Variants in MTRR observed in about 807,000 individuals in gnomAD.
MTRR encodes 5-methyltetrahydrofolate-homocysteine methyltransferase reductase.
MTRR carries 63 observed loss-of-function variants against 79.2 expected under a neutral mutation model. That is an observed-to-expected ratio of 0.80 (90% CI 0.65 to 0.98). MTRR has a LOEUF of 0.98. MTRR is among the 50% of genes least tolerant of loss of function. The pLI is 0.00. For synonymous variants in MTRR, 355 were observed against 313.3 expected (o/e 1.13, Z -1.41); for missense variants, 895 against 839.6 (o/e 1.07, Z -0.82).
rs372145141 is a variant in MTRR, at chr5:7,887,910, T to G, written c.1147-1185T>G. Among the ~76,000 whole-genome samples, 35 of 149,240 alleles carry G rather than the reference T, an allele frequency of 2.3e-4. No individual in the cohort carries two copies. The East Asian group carries it at 5.4e-3, about 23-fold the overall frequency. ...CCCAGGAAACCAAAGTATTTTATAATCAAACCCTCTGAGTTAACACTTGAA... is the reference window on the plus strand; with the variant it reads ...CCCAGGAAACCAAAGTATTTTATAAGCAAACCCTCTGAGTTAACACTTGAA... On this transcript the variant is annotated intron_variant, in intron 8 of 14. Coordinates refer to ENST00000440940, the MANE Select transcript of MTRR (RefSeq NM_002454.3).
At chr5:7,889,889 T>G (rs1186160724) in intron 9 of MTRR, among the ~76,000 whole-genome samples, 1 of 152,082 alleles carries the variant, frequency 6.6e-6, no homozygotes, top group Non-Finnish European at 1.5e-5. Context: ...GTAACCCATT[T>G]TTTTGCCCAG....
In MTRR at chr5:7,899,914, A is replaced by G; in HGVS notation, c.1953A>G (p.Gly651=). The G allele has an allele frequency of 6.2e-7, 1 of 1,614,184 alleles. No homozygotes were observed. The highest frequency in any genetic ancestry group is 2.2e-5 in the East Asian group (1 of 44,880). The change falls in exon 15 of 15, where the codon GGA becomes GGG. Residue 651 remains glycine (G), a splice_region_variant and synonymous_variant. Transcript: ENST00000440940. ...LQENGHIYVC[G]DAKNMAKDVH... ...GTCATCTTATTATTTTCTTTTCTAG[A>G]GATGCAAAGAATATGGCCAAGGATG...
In MTRR at chr5:7,897,182, C is replaced by T; in HGVS notation, c.1887C>T (p.Ile629=). The T allele has an allele frequency of 2.5e-6, 4 of 1,614,152 alleles. No individual in the cohort carries two copies. The highest frequency in any genetic ancestry group is 1.3e-5 in the African/African-American group (1 of 75,038). The change falls in exon 14 of 15, where the codon ATC becomes ATT. Residue 629 remains isoleucine (I), a synonymous_variant. Transcript: ENST00000440940. ...CAGCAAAGTATGTGCAAGACAACATCCAGCTTCATGGCCAGCAGGTGGCGA... is the reference window on the plus strand; with the variant it reads ...CAGCAAAGTATGTGCAAGACAACATTCAGCTTCATGGCCAGCAGGTGGCGA... ...EAPAKYVQDN[I]QLHGQQVARI...
chr5:7,868,845 G>C (rs971958355), upstream of MTRR: 2 of 530,262 alleles, frequency 3.8e-6, no homozygotes, highest in Admixed American at 3.2e-5. Context: ...CCCGCGGGGC[G>C]AGCACCCCCA....
intron 2 of MTRR, 71 bp from the exon 3 acceptor site, chr5:7,873,302 T>G (rs970692087): frequency 2.2e-5 from 35 of 1,578,844 alleles, no homozygotes; most frequent in Admixed American, 8.3e-5. Context: ...CTAAGCTGAT[T>G]GCTTTGCTGC....
At chr5:7,861,282 G>A in intron 1 of MTRR, 2 of 1,337,458 alleles carry the variant, frequency 1.5e-6, no homozygotes, top group Non-Finnish European at 2.0e-6. Flanking sequence ...TAAAAAAGGA[G>A]AAAAATACTT....
At chr5:7,867,384 C>T (rs769358546), upstream of MTRR, 9 of 1,614,068 alleles carry the variant, frequency 5.6e-6, no homozygotes, top group Admixed American at 5.0e-5. Flanking sequence ...TCTAGTGTCA[C>T]ACAACCTGAA....
chr5:7,897,321 GA>G, intron 14 of MTRR, 74 bp downstream of exon 14: 7 of 1,458,886 alleles, frequency 4.8e-6, no homozygotes, highest in Non-Finnish European at 6.7e-6. Context: ...AAAGGACCGA[GA>G]AGCCAATAAT....
upstream of MTRR, chr5:7,867,701 G>C (rs777011399): frequency 6.2e-7 from 1 of 1,614,158 alleles, no homozygotes; most frequent in East Asian, 2.2e-5. Context: ...TGCTGCCATA[G>C]TGTCAGGCAG....
At chr5:7,895,583 T>C in intron 11 of MTRR, 151 bp from the exon 12 acceptor site, 1 of 1,030,654 alleles carries the variant, frequency 9.7e-7, no homozygotes, top group Non-Finnish European at 1.5e-6. Flanking sequence ...ACAAATGTGC[T>C]CATGGTTTCA....
At chr5:7,859,516 C>T (rs1444826950) in intron 1 of MTRR, 3 of 1,603,642 alleles carry the variant, frequency 1.9e-6, no homozygotes, top group African/African-American at 1.3e-5. Context: ...TTGATTTTAG[C>T]ATCCCAATCT....
At chr5:7,899,139 A>C (rs1220639116) in intron 14 of MTRR, among the ~76,000 whole-genome samples, 1 of 152,108 alleles carries the variant, frequency 6.6e-6, no homozygotes, top group Non-Finnish European at 1.5e-5. Context: ...CAGCGAGCAT[A>C]ACATCAAGCC....
intron 8 of MTRR, among the ~76,000 whole-genome samples, 185 bp downstream of exon 8, chr5:7,886,888 T>C (rs1736567369): frequency 6.6e-6 from 1 of 152,224 alleles, no homozygotes; most frequent in East Asian, 1.9e-4. Context: ...AATCTTTTTA[T>C]GTTGTATTTG....
intron 14 of MTRR, among the ~76,000 whole-genome samples, chr5:7,899,594 C>T (rs1739142548): frequency 1.3e-5 from 2 of 152,142 alleles, no homozygotes; most frequent in African/African-American, 2.4e-5. Flanking sequence ...AGGGGTGAGC[C>T]AGCAGGTGGG....
At chr5:7,894,965 C>G (rs1738258986) in intron 11 of MTRR, among the ~76,000 whole-genome samples, 1 of 152,152 alleles carries the variant, frequency 6.6e-6, no homozygotes, top group Non-Finnish European at 1.5e-5. Context: ...CACAGCTTTG[C>G]CATTCCTTCA....
At chr5:7,850,936 C>A, upstream of MTRR, 1 of 1,353,528 alleles carries the variant, frequency 7.4e-7, no homozygotes, top group Non-Finnish European at 9.5e-7. Context: ...CGGGATGTAG[C>A]TGAAGGCGGA....
intron 7 of MTRR, 46 bp downstream of exon 7, chr5:7,885,900 A>C (rs757282259): frequency 6.2e-7 from 1 of 1,612,342 alleles, no homozygotes; most frequent in South Asian, 1.1e-5. Context: ...GGGCCAGTGG[A>C]CTGGAGCTGA....
intron 6 of MTRR, among the ~76,000 whole-genome samples, chr5:7,883,672 C>T (rs1445035643): frequency 6.6e-6 from 1 of 152,110 alleles, no homozygotes; most frequent in African/African-American, 2.4e-5. Flanking sequence ...TATTCCTGAC[C>T]CATCATTTTT....
intron 1 of MTRR, chr5:7,856,860 G>C (rs534074359): frequency 6.8e-6 from 1 of 147,878 alleles, no homozygotes; most frequent in African/African-American, 2.5e-5. Flanking sequence ...CCCAAGCGAC[G>C]CACATTCCTC....
Sources: gnomAD v4.1 joint callset for allele counts (sites outside exome capture counted in the v4.1 genomes callset) on GRCh38, gnomAD v4.1.1 for gene constraint, MANE v1.5 for transcripts, NCBI Gene and HGNC (gene_info 2026-07-23, HGNC 2026-07-21) for gene names.